TFDP2: variants seen among roughly 807,000 people sequenced by gnomAD.
TFDP2 encodes the protein transcription factor Dp-2 (E2F dimerization partner 2).
TFDP2 carries 17 observed loss-of-function variants against 59.3 expected under a neutral mutation model. The observed-to-expected ratio is 0.29, with a 90% CI of 0.20 to 0.43. The LOEUF (loss-of-function observed/expected upper bound fraction) is 0.43, where lower values mean the gene tolerates loss of function less well. Among genes scored for constraint, TFDP2 ranks in the 20% least tolerant of loss-of-function variants. The pLI, the probability that TFDP2 is intolerant of heterozygous loss-of-function variation, is 1.00. For synonymous variants in TFDP2, 180 were observed against 194.7 expected, an observed-to-expected ratio of 0.92 and a Z score of 0.63; for missense variants, 391 against 528.8, an observed-to-expected ratio of 0.74 and a Z score of 2.56.
chr3:141,978,476 A>G lies in TFDP2; in HGVS notation c.519+44T>C, dbSNP rs977078653. ...TATAACAAAGATAACACAAAGAAGT[A>G]GCATCATCCATCAAAATCAATGTCA... On this transcript the variant is annotated intron_variant, in intron 7 of 12. Coordinates refer to ENST00000489671, the MANE Select transcript of TFDP2 (RefSeq NM_001178139.2). The G allele has an allele frequency of 2.5e-6, 4 of 1,570,490 alleles. No individual in the cohort carries two copies. The African/African-American group carries it at 5.4e-5, about 21-fold the overall frequency.
At chr3:142,097,738 A>G (rs553383738) in intron 2 of TFDP2, among the ~76,000 whole-genome samples, 84 of 152,292 alleles carry the variant, frequency 5.5e-4, no homozygotes, top group African/African-American at 1.7e-3. Context: ...AGATATCAAG[A>G]TAAGAAAATG....
chr3:142,094,330 G>T (rs7640665), intron 2 of TFDP2, among the ~76,000 whole-genome samples: 1 of 148,558 alleles, frequency 6.7e-6, no homozygotes, highest in African/African-American at 2.5e-5. Flanking sequence ...TTGAGATGGC[G>T]TTTCACTCTT....
chr3:142,104,025 T>C (rs1225348016), intron 1 of TFDP2, among the ~76,000 whole-genome samples: 1 of 152,194 alleles, frequency 6.6e-6, no homozygotes, highest in Non-Finnish European at 1.5e-5. Flanking sequence ...ATTAGCTATT[T>C]GTCCTGATGC....
intron 3 of TFDP2, among the ~76,000 whole-genome samples, chr3:142,085,065 C>T (rs894734570): frequency 1.3e-5 from 2 of 152,006 alleles, no homozygotes; most frequent in South Asian, 2.1e-4. Flanking sequence ...GGATTACAAG[C>T]GAGTGCCACC....
chr3:142,112,214 A>T (rs1037745025), intron 1 of TFDP2, among the ~76,000 whole-genome samples: 3 of 152,232 alleles, frequency 2.0e-5, no homozygotes, highest in African/African-American at 7.2e-5. Flanking sequence ...CAGTAATATT[A>T]GCCATATCTT....
At chr3:141,987,612 G>A (rs1023742610) in intron 6 of TFDP2, among the ~76,000 whole-genome samples, 3 of 151,048 alleles carry the variant, frequency 2.0e-5, no homozygotes, top group East Asian at 4.0e-4. Flanking sequence ...GTATGCGTGC[G>A]TGCATGTGTG....
intron 1 of TFDP2, among the ~76,000 whole-genome samples, chr3:142,142,503 T>C (rs548634202): frequency 6.6e-6 from 1 of 152,280 alleles, no homozygotes; most frequent in East Asian, 1.9e-4. Flanking sequence ...AAAGAATCAA[T>C]ATTGTTAAAA....
intron 9 of TFDP2, among the ~76,000 whole-genome samples, chr3:141,969,033 CATAT>C (rs201426545): frequency 6.1e-5 from 4 of 65,898 alleles, no homozygotes; most frequent in East Asian, 8.0e-4. Context: ...ACATATATCT[CATAT>C]ATAGATATAT....
chr3:142,016,842 T>C (rs1346588328), intron 3 of TFDP2, among the ~76,000 whole-genome samples: 1 of 152,208 alleles, frequency 6.6e-6, no homozygotes, highest in African/African-American at 2.4e-5. Context: ...CCAACTGGCA[T>C]CACATCTCAG....
intron 2 of TFDP2, among the ~76,000 whole-genome samples, chr3:142,097,354 A>G (rs1418705721): frequency 6.6e-6 from 1 of 152,230 alleles, no homozygotes; most frequent in African/African-American, 2.4e-5. Flanking sequence ...TTAATGGTCA[A>G]TATTAGGAAA....
chr3:142,062,038 C>T (rs988902639), intron 3 of TFDP2, among the ~76,000 whole-genome samples: 1 of 151,642 alleles, frequency 6.6e-6, no homozygotes, highest in African/African-American at 2.4e-5. Context: ...AAAATCCACC[C>T]CTCCTCTTCC....
At chr3:142,085,969 C>T (rs1365131204) in intron 3 of TFDP2, among the ~76,000 whole-genome samples, 1 of 152,202 alleles carries the variant, frequency 6.6e-6, no homozygotes, top group Non-Finnish European at 1.5e-5. Context: ...AAACCTCAGT[C>T]ACCAAATCTA....
chr3:141,973,116 TATA>T (rs1379735773), intron 8 of TFDP2, among the ~76,000 whole-genome samples: 1 of 98,796 alleles, frequency 1.0e-5, no homozygotes, highest in African/African-American at 3.8e-5. Flanking sequence ...TATATATATA[TATA>T]TATATTTTTT....
chr3:142,140,181 C>T (rs1399639985), intron 1 of TFDP2, among the ~76,000 whole-genome samples: 1 of 152,102 alleles, frequency 6.6e-6, no homozygotes, highest in Non-Finnish European at 1.5e-5. Flanking sequence ...TTGTGCATGC[C>T]TCACGAAGTT....
chr3:142,143,930 T>G (rs1349732606), intron 1 of TFDP2, among the ~76,000 whole-genome samples: 1 of 152,210 alleles, frequency 6.6e-6, no homozygotes, highest in African/African-American at 2.4e-5. Context: ...GAAATCAGTA[T>G]ATTGAAGAGA....
intron 3 of TFDP2, among the ~76,000 whole-genome samples, chr3:142,007,501 G>C (rs950139875): frequency 6.6e-6 from 1 of 152,176 alleles, no homozygotes; most frequent in East Asian, 1.9e-4. Flanking sequence ...AACTGGTTTC[G>C]TGGAAGACAG....
chr3:142,047,012 C>A (rs116245281), intron 3 of TFDP2, among the ~76,000 whole-genome samples: 1 of 152,088 alleles, frequency 6.6e-6, no homozygotes, highest in Non-Finnish European at 1.5e-5. Flanking sequence ...CAGCCTTCAG[C>A]CACACTACAA....
In TFDP2 at chr3:141,949,595, C is replaced by T. The variant is rs1288143931; in HGVS notation, c.*2918G>A. ...GGGCCAGGCACGCAGGTCCTAGTGC[C>T]ACTGTGCGTGTGCTAAGTAGAGCCA... On this transcript the variant is annotated 3_prime_UTR_variant, in exon 13 of 13. Coordinates refer to ENST00000489671, the MANE Select transcript of TFDP2 (RefSeq NM_001178139.2). The T allele has an allele frequency of 6.6e-6, 1 of 152,204 alleles. No individual in the cohort carries two copies. Among genetic ancestry groups the T allele is most frequent in the Non-Finnish European group, 1.5e-5 (1 of 68,094 alleles). 9.4% of individuals were successfully genotyped at this position (152,204 alleles called of 1,614,324 possible).
intron 3 of TFDP2, among the ~76,000 whole-genome samples, chr3:142,068,402 T>A (rs1341809427): frequency 6.6e-6 from 1 of 152,176 alleles, no homozygotes; most frequent in Non-Finnish European, 1.5e-5. Context: ...AAAAGCATGA[T>A]CCATGAAAGA....
Sources: gnomAD v4.1 joint callset for allele counts (sites outside exome capture counted in the v4.1 genomes callset) on GRCh38, gnomAD v4.1.1 for gene constraint, MANE v1.5 for transcripts, NCBI Gene and HGNC (gene_info 2026-07-23, HGNC 2026-07-21) for gene names.